The following PCDHA1 variants were observed in gnomAD, a reference collection of about 807,000 sequenced individuals.
PCDHA1 encodes protocadherin alpha-1.
Under a neutral mutation model 61.3 loss-of-function variants are expected in PCDHA1, and 42 were observed. The observed-to-expected ratio is 0.69, with a 90% CI of 0.54 to 0.89. The LOEUF (loss-of-function observed/expected upper bound fraction) is 0.89. Among genes scored for constraint, PCDHA1 ranks in the 40% least tolerant of loss-of-function variants. The pLI, the probability that PCDHA1 is intolerant of heterozygous loss-of-function variation, is 0.00. For missense variants in PCDHA1, 1,256 were observed against 1,235.3 expected (o/e 1.02, Z -0.25); for synonymous variants, 610 against 553.8 (o/e 1.10, Z -1.43).
intron 1 of PCDHA1, chr5:140,811,442 T>TATTGTGA (rs1436350910): frequency 1.3e-5 from 2 of 152,262 alleles, no homozygotes; most frequent in Admixed American, 1.3e-4. Context: ...AAGTCTTTGC[T>TATTGTGA]ATTGTGAATA....
At chr5:140,926,564 A>T in intron 1 of PCDHA1, 1 of 243,746 alleles carries the variant, frequency 4.1e-6, no homozygotes, top group Non-Finnish European at 7.8e-6. Flanking sequence ...GCCCGCTGCT[A>T]CTGGAGACAG....
At chr5:140,797,060 A>T in intron 1 of PCDHA1, 1 of 1,613,724 alleles carries the variant, frequency 6.2e-7, no homozygotes, top group Admixed American at 1.7e-5. Context: ...GTCAACGTGT[A>T]CCTGATCATC....
At chr5:140,858,468 G>T in intron 1 of PCDHA1, 1 of 1,521,202 alleles carries the variant, frequency 6.6e-7, no homozygotes, top group Non-Finnish European at 8.9e-7. Context: ...TTCCTTTTGT[G>T]CTTTATGAAT....
intron 1 of PCDHA1, among the ~76,000 whole-genome samples, chr5:140,924,907 A>T (rs538089373): frequency 0.035 from 1,776 of 50,942 alleles, 16 homozygotes; most frequent in Non-Finnish European, 0.042. Context: ...AAAAAAAAAT[A>T]AAATAAAATA....
intron 1 of PCDHA1, among the ~76,000 whole-genome samples, chr5:140,838,089 T>G (rs1418087315): frequency 1.6e-5 from 2 of 121,978 alleles, no homozygotes; most frequent in African/African-American, 6.2e-5. Context: ...TGTGTGTGTG[T>G]GTGTGTGTGT....
At chr5:140,878,099 C>T (rs1270449354) in intron 1 of PCDHA1, 2 of 277,184 alleles carry the variant, frequency 7.2e-6, no homozygotes, top group Non-Finnish European at 1.3e-5. Flanking sequence ...GACTGATGAA[C>T]CTTGAAAAAA....
Position 140,946,611 on chromosome 5 carries a change from AAT to A in PCDHA1, c.2395-32318_2395-32317del, listed in dbSNP as rs1554217734. On this transcript the variant is annotated intron_variant, in intron 1 of 3. Coordinates refer to ENST00000504120, the MANE Select transcript of PCDHA1 (RefSeq NM_018900.4). ...GGATGAATAGATAAAGAAAATGTGA[AAT>A]ATATATATATATATATATACAATGG... is the stretch of plus-strand genomic sequence containing the variant. 5.8e-3 allele frequency among the ~76,000 whole-genome samples: 503 copies of A among 86,618 alleles called. 18 individuals are homozygous for A. The highest frequency in any genetic ancestry group is 0.022 in the Middle Eastern group (4 of 186). The allele number at this position is 86,618 out of a possible 152,430, so 56.8% of individuals were successfully genotyped here. A position where few individuals can be genotyped will look rare whatever the true frequency, so the allele number is the denominator to read the frequency against.
intron 1 of PCDHA1, among the ~76,000 whole-genome samples, chr5:140,937,039 C>CT (rs34994034): frequency 0.49 from 69,094 of 140,108 alleles, 17,193 homozygotes; most frequent in East Asian, 0.59. Flanking sequence ...TTCCATTTAT[C>CT]TTTTTTTTTT....
At chr5:140,818,301 A>G (rs1251106961) in intron 1 of PCDHA1, among the ~76,000 whole-genome samples, 1 of 152,124 alleles carries the variant, frequency 6.6e-6, no homozygotes, top group Non-Finnish European at 1.5e-5. Flanking sequence ...ATTCTGACCC[A>G]TCTTTTACTT....
chr5:140,903,420 G>A (rs1562939328), intron 1 of PCDHA1, among the ~76,000 whole-genome samples: 1 of 152,150 alleles, frequency 6.6e-6, no homozygotes, highest in Non-Finnish European at 1.5e-5. Flanking sequence ...GAAAAATTCA[G>A]CACAATATGT....
chr5:140,786,151 A>G lies in PCDHA1; in HGVS notation c.-140A>G. ...AATAGAAGGGAGCTACTGATCACTA[A>G]AAGTGAAGGAGGAAGCTCCATTTTG... is the stretch of plus-strand genomic sequence containing the variant. On this transcript the variant is annotated 5_prime_UTR_variant, in exon 1 of 4. Coordinates refer to ENST00000504120, the MANE Select transcript of PCDHA1 (RefSeq NM_018900.4). 1 of 1,093,632 alleles carries G rather than the reference A, an allele frequency of 9.1e-7. No homozygotes were observed. Among genetic ancestry groups the G allele is most frequent in the Non-Finnish European group, 1.3e-6 (1 of 759,766 alleles). 67.7% of individuals were successfully genotyped at this position (1,093,632 alleles called of 1,614,324 possible). A position where few individuals can be genotyped will look rare whatever the true frequency, so the allele number is the denominator to read the frequency against.
rs140423301 is a variant in PCDHA1 at position 140,995,612 on chromosome 5, C to T, written c.2542+13049C>T. Among the ~76,000 whole-genome samples, 11 of 152,156 alleles carry T rather than the reference C, an allele frequency of 7.2e-5. No individual in the cohort carries two copies. In the East Asian group the frequency reaches 2.1e-3, roughly 29 times the overall value. On this transcript the variant is annotated intron_variant, in intron 3 of 3. Transcript: ENST00000504120. ...AACTTAGTGTTTTTCTTCTCCCAAA[C>T]CAAATATTGGAAACTTTGGAGTGTT... is the stretch of plus-strand genomic sequence containing the variant.
At chr5:140,824,621 T>TTTTTTTTTTG (rs1768258385) in intron 1 of PCDHA1, 1 of 130,846 alleles carries the variant, frequency 7.6e-6, no homozygotes, top group South Asian at 2.3e-4. Context: ...TTTTTTTTTT[T>TTTTTTTTTTG]TTTTTTTTTT....
chr5:140,788,166 C>T lies in PCDHA1; in HGVS notation c.1876C>T (p.Leu626=), dbSNP rs1581598676. Residue 626 remains leucine, a synonymous_variant, in exon 1 of 4, where the codon CTG becomes TTG. Transcript: ENST00000504120. The part of the protein sequence containing the change: ...GGARIPFRVG[L]YTGEISTTRV... ...CGCGCGCATCCCGTTCCGCGTGGGGCTGTACACGGGCGAGATCAGCACGAC... is the reference window on the plus strand; with the variant it reads ...CGCGCGCATCCCGTTCCGCGTGGGGTTGTACACGGGCGAGATCAGCACGAC... 3 of 1,614,030 alleles carry T rather than the reference C, an allele frequency of 1.9e-6. No homozygotes were observed. Among genetic ancestry groups the T allele is most frequent in the Non-Finnish European group, 1.7e-6 (2 of 1,179,918 alleles).
intron 1 of PCDHA1, among the ~76,000 whole-genome samples, chr5:140,943,498 A>T (rs2093507311): frequency 6.6e-6 from 1 of 152,164 alleles, no homozygotes; most frequent in Admixed American, 6.6e-5. Flanking sequence ...GATGCTATCA[A>T]GGTTCATGGA....
At chr5:140,830,990 A>G (rs1771317150) in intron 1 of PCDHA1, 1 of 152,262 alleles carries the variant, frequency 6.6e-6, no homozygotes, top group Non-Finnish European at 1.5e-5. Context: ...TCTGATCATC[A>G]TAGTTTTTAT....
chr5:140,889,509 C>T (rs2062255316), intron 1 of PCDHA1, among the ~76,000 whole-genome samples: 2 of 152,026 alleles, frequency 1.3e-5, no homozygotes, highest in Admixed American at 6.6e-5. Flanking sequence ...ATTTCCCTTT[C>T]CATTCTTGAT....
At chr5:140,812,894 A>G (rs1765195781) in intron 1 of PCDHA1, 1 of 152,312 alleles carries the variant, frequency 6.6e-6, no homozygotes, top group African/African-American at 2.4e-5. Context: ...TGAAATTTTG[A>G]ACAGAATTTC....
intron 3 of PCDHA1, among the ~76,000 whole-genome samples, chr5:140,989,551 C>T (rs964653534): frequency 2.0e-5 from 3 of 152,178 alleles, no homozygotes; most frequent in African/African-American, 4.8e-5. Flanking sequence ...AATTCCTTTA[C>T]GTTTTGTGGC....
Sources: allele counts gnomAD v4.1 joint callset (sites outside exome capture counted in the v4.1 genomes callset), GRCh38; gene constraint gnomAD v4.1.1; transcripts MANE v1.5; gene names NCBI Gene and HGNC (gene_info 2026-07-23, HGNC 2026-07-21).